Variants in AGPS observed in about 807,000 individuals in gnomAD.
The protein encoded by AGPS is alkylglycerone phosphate synthase.
Under a neutral mutation model 90.7 loss-of-function variants are expected in AGPS, and 26 were observed. The ratio of observed to expected loss-of-function variants is 0.29; its 90% confidence interval spans 0.21 to 0.40. The LOEUF is 0.40. Among genes scored for constraint, AGPS ranks in the 10% least tolerant of loss-of-function variants. The pLI, the probability that AGPS is intolerant of heterozygous loss-of-function variation, is 1.00. For synonymous variants in AGPS, 294 were observed against 285.3 expected (o/e 1.03, Z -0.31); for missense variants, 540 against 816.1 (o/e 0.66, Z 4.12).
chr2:177,395,114 C>T (rs1160302983), intron 1 of AGPS, among the ~76,000 whole-genome samples: 1 of 152,118 alleles, frequency 6.6e-6, no homozygotes, highest in South Asian at 2.1e-4. Context: ...GTTTCATGTA[C>T]ATTTATGTGT....
At chr2:177,394,988 A>G (rs35917372) in intron 1 of AGPS, among the ~76,000 whole-genome samples, 9,707 of 152,214 alleles carry the variant, frequency 0.064, 524 homozygotes, top group Non-Finnish European at 0.088. Flanking sequence ...TAAATTTTCC[A>G]TAACTTGGTT....
At chr2:177,395,583 A>G (rs1161076191) in intron 1 of AGPS, among the ~76,000 whole-genome samples, 1 of 152,226 alleles carries the variant, frequency 6.6e-6, no homozygotes, top group Non-Finnish European at 1.5e-5. Context: ...TCTACTTCCT[A>G]CTTAGCTGGG....
At chr2:177,445,463 G>A (rs1313015968) in intron 7 of AGPS, 83 bp from the exon 8 acceptor site, 1 of 1,218,090 alleles carries the variant, frequency 8.2e-7, no homozygotes, top group East Asian at 2.4e-5. Context: ...CTTACCACTT[G>A]TTGCTTTGAA....
At chr2:177,431,848 A>G (rs770830091) in intron 2 of AGPS, among the ~76,000 whole-genome samples, 2 of 152,142 alleles carry the variant, frequency 1.3e-5, no homozygotes, top group Admixed American at 1.3e-4. Context: ...TTTACAGTCA[A>G]TTTGTACAAT....
intron 5 of AGPS, among the ~76,000 whole-genome samples, chr2:177,437,439 G>C (rs1686448681): frequency 6.6e-6 from 1 of 152,108 alleles, no homozygotes; most frequent in African/African-American, 2.4e-5. Flanking sequence ...ATATCAGCTT[G>C]TGAGCTTTAA....
intron 8 of AGPS, among the ~76,000 whole-genome samples, chr2:177,447,974 A>G (rs1686826620): frequency 6.6e-6 from 1 of 152,184 alleles, no homozygotes; most frequent in Admixed American, 6.5e-5. Context: ...ATAAAATTTA[A>G]TGGAAGCTGC....
chr2:177,397,344 C>A (rs1440855710), intron 1 of AGPS, among the ~76,000 whole-genome samples: 2 of 152,138 alleles, frequency 1.3e-5, no homozygotes, highest in African/African-American at 4.8e-5. Context: ...TCCTTAAGTG[C>A]ATGTTACCCA....
intron 2 of AGPS, among the ~76,000 whole-genome samples, chr2:177,423,938 AT>A (rs901698712): frequency 3.3e-5 from 5 of 150,214 alleles, no homozygotes; most frequent in African/African-American, 7.3e-5. Flanking sequence ...AATTCTAGAG[AT>A]TTTTTTTTTC....
chr2:177,420,196 T>C (rs1685905007), intron 1 of AGPS, 73 bp from the exon 2 acceptor site: 11 of 941,712 alleles, frequency 1.2e-5, no homozygotes, highest in Non-Finnish European at 1.9e-5. Flanking sequence ...TGTGAGTTAA[T>C]AATCAATGAT....
Position 177,522,891 on chromosome 2 carries a change from T to C in AGPS, c.1798-857T>C, listed in dbSNP as rs547466883. On this transcript the variant is annotated intron_variant, in intron 18 of 19. Transcript: ENST00000264167. ...TGAGAGGCCCAAGGTACTATAGATA[T>C]TTTACCTCGTAGCCATTATATATTC... Among the ~76,000 whole-genome samples the C allele has an allele frequency of 2.0e-5, 3 of 152,300 alleles. No homozygotes were observed. In the South Asian group the frequency reaches 6.2e-4, roughly 32 times the overall value.
intron 6 of AGPS, chr2:177,441,493 T>C (rs1686599076): frequency 6.5e-6 from 1 of 154,242 alleles, no homozygotes; most frequent in Non-Finnish European, 1.4e-5. Context: ...AAAAAGGCAC[T>C]AAAATGCCAT....
intron 14 of AGPS, among the ~76,000 whole-genome samples, chr2:177,503,996 A>G (rs1452861323): frequency 1.3e-5 from 2 of 152,204 alleles, no homozygotes; most frequent in Non-Finnish European, 2.9e-5. Context: ...TTTTTGTCTC[A>G]TCTCGACATA....
intron 2 of AGPS, among the ~76,000 whole-genome samples, chr2:177,421,406 AGTT>A (rs1685936161): frequency 6.6e-6 from 1 of 152,068 alleles, no homozygotes; most frequent in Non-Finnish European, 1.5e-5. Flanking sequence ...CCTTTGGAGA[AGTT>A]ATTTATTTCC....
intron 1 of AGPS, among the ~76,000 whole-genome samples, chr2:177,406,131 C>G (rs142541809): frequency 9.9e-5 from 15 of 152,158 alleles, no homozygotes; most frequent in Non-Finnish European, 1.9e-4. Context: ...ACTCTATTAT[C>G]GACTCTCAAG....
intron 8 of AGPS, among the ~76,000 whole-genome samples, chr2:177,459,567 A>G (rs1166828967): frequency 6.6e-6 from 1 of 152,258 alleles, no homozygotes; most frequent in African/African-American, 2.4e-5. Context: ...ATATGAAAAA[A>G]TGCTCATCAT....
intron 1 of AGPS, among the ~76,000 whole-genome samples, chr2:177,414,074 G>C (rs574484075): frequency 1.1e-4 from 17 of 151,984 alleles, no homozygotes; most frequent in African/African-American, 4.1e-4. Context: ...CCTTTCCTGT[G>C]CCTCTGTTTA....
At chr2:177,504,418 C>T (rs1190195499) in intron 14 of AGPS, among the ~76,000 whole-genome samples, 1 of 152,104 alleles carries the variant, frequency 6.6e-6, no homozygotes, top group Non-Finnish European at 1.5e-5. Flanking sequence ...CTTCTTTGCT[C>T]ATTAACATTC....
chr2:177,517,776 C>T (rs1304674197), intron 17 of AGPS, among the ~76,000 whole-genome samples: 2 of 152,046 alleles, frequency 1.3e-5, no homozygotes, highest in South Asian at 2.1e-4. Context: ...TTATCAAAAC[C>T]AAAAAATTAG....
At chr2:177,482,790 GA>G (rs1687981875) in intron 11 of AGPS, among the ~76,000 whole-genome samples, 1 of 151,906 alleles carries the variant, frequency 6.6e-6, no homozygotes, top group African/African-American at 2.4e-5. Flanking sequence ...ATATTATTAA[GA>G]TTTTTTTTAA....
Sources: gnomAD v4.1 joint callset for allele counts (sites outside exome capture counted in the v4.1 genomes callset) on GRCh38, gnomAD v4.1.1 for gene constraint, MANE v1.5 for transcripts, NCBI Gene and HGNC (gene_info 2026-07-23, HGNC 2026-07-21) for gene names.